Variants in CFAP210 observed in about 807,000 individuals in gnomAD.
The protein encoded by CFAP210 is cilia and flagella associated protein 210.
the CFAP210 span, among the ~76,000 whole-genome samples, chr2:169,647,730 C>T: frequency 2.1e-3 from 325 of 152,128 alleles, no homozygotes; most frequent in African/African-American, 7.4e-3. Context: ...TTTTATACAT[C>T]AAAGATACTA....
chr2:169,667,375 G>A, the CFAP210 span, among the ~76,000 whole-genome samples: 1 of 152,034 alleles, frequency 6.6e-6, no homozygotes, highest in Non-Finnish European at 1.5e-5. Context: ...CTGACCTCAG[G>A]TGATCCAACC....
the CFAP210 span, among the ~76,000 whole-genome samples, chr2:169,691,441 G>A: frequency 1.1e-4 from 16 of 152,122 alleles, no homozygotes; most frequent in African/African-American, 3.9e-4. Context: ...AACTGCAACT[G>A]CACAGTTTTA....
the CFAP210 span, chr2:169,658,702 G>T: frequency 3.4e-6 from 1 of 294,884 alleles, no homozygotes; most frequent in Admixed American, 4.1e-5. Context: ...TACAACAGGT[G>T]CTTATTCCCG....
chr2:169,686,661 T>C, the CFAP210 span, among the ~76,000 whole-genome samples: 1 of 152,160 alleles, frequency 6.6e-6, no homozygotes, highest in Non-Finnish European at 1.5e-5. Context: ...AATTCCAGCA[T>C]AAGCCATTAA....
At chr2:169,676,136 T>C in the CFAP210 span, among the ~76,000 whole-genome samples, 1 of 152,182 alleles carries the variant, frequency 6.6e-6, no homozygotes, top group East Asian at 1.9e-4. Context: ...CACCCTTTCC[T>C]TTCCTATTTG....
At chr2:169,690,617 C>G in the CFAP210 span, among the ~76,000 whole-genome samples, 2 of 147,886 alleles carry the variant, frequency 1.4e-5, no homozygotes, top group African/African-American at 5.0e-5. Context: ...GAGCCGAGAT[C>G]ATGCCACTGC....
the CFAP210 span, chr2:169,645,530 T>A: frequency 4.1e-6 from 1 of 246,748 alleles, no homozygotes; most frequent in Admixed American, 5.0e-5. Context: ...AATGAATGGG[T>A]ATGGGGTTTC....
At chr2:169,650,672 CATT>C in the CFAP210 span, among the ~76,000 whole-genome samples, 1 of 151,020 alleles carries the variant, frequency 6.6e-6, no homozygotes, top group African/African-American at 2.4e-5. Flanking sequence ...TTTAAGTGGA[CATT>C]ATTTTTTAAC....
At chr2:169,687,513 G>A in the CFAP210 span, among the ~76,000 whole-genome samples, 2 of 122,852 alleles carry the variant, frequency 1.6e-5, no homozygotes, top group Non-Finnish European at 3.7e-5. Context: ...AAATCCAGCA[G>A]GAATCAAATT....
the CFAP210 span, among the ~76,000 whole-genome samples, chr2:169,666,862 A>G: frequency 6.6e-6 from 1 of 152,166 alleles, no homozygotes; most frequent in Non-Finnish European, 1.5e-5. Flanking sequence ...CTTCACCCAC[A>G]GTAGATTCCA....
chr2:169,649,992 T>A, the CFAP210 span, among the ~76,000 whole-genome samples: 2 of 152,164 alleles, frequency 1.3e-5, no homozygotes, highest in Admixed American at 6.5e-5. Flanking sequence ...ATGTAAGATA[T>A]GTTTTAAAAT....
the CFAP210 span, among the ~76,000 whole-genome samples, chr2:169,669,427 T>A: frequency 2.0e-5 from 3 of 152,182 alleles, no homozygotes; most frequent in African/African-American, 7.2e-5. Context: ...TATGATCAAT[T>A]TTCATCTTGA....
chr2:169,646,435 A>T, the CFAP210 span, among the ~76,000 whole-genome samples: 1 of 152,212 alleles, frequency 6.6e-6, no homozygotes. Flanking sequence ...AGCGAAAATT[A>T]TGAAATTTAG....
the CFAP210 span, among the ~76,000 whole-genome samples, chr2:169,688,724 C>G: frequency 2.6e-5 from 4 of 152,190 alleles, no homozygotes; most frequent in African/African-American, 9.6e-5. Context: ...ATGTCGCTAT[C>G]AGCATTTTGG....
the CFAP210 span, chr2:169,649,052 TTTA>T: frequency 1.5e-6 from 1 of 687,118 alleles, no homozygotes; most frequent in African/African-American, 1.8e-5. Flanking sequence ...TTTAATACAT[TTTA>T]TTGTGTCATA....
the CFAP210 span, among the ~76,000 whole-genome samples, chr2:169,664,883 T>TATG: frequency 1.3e-5 from 2 of 152,246 alleles, no homozygotes; most frequent in African/African-American, 2.4e-5. Flanking sequence ...ATTCTTGGGC[T>TATG]TATATAGATG....
the CFAP210 span, among the ~76,000 whole-genome samples, chr2:169,649,596 A>C: frequency 2.0e-5 from 3 of 152,206 alleles, no homozygotes; most frequent in African/African-American, 7.2e-5. Context: ...ATGAAAAGCA[A>C]GATCTTCTCA....
At chr2:169,666,743 G>A in the CFAP210 span, among the ~76,000 whole-genome samples, 1 of 152,016 alleles carries the variant, frequency 6.6e-6, no homozygotes, top group Non-Finnish European at 1.5e-5. Flanking sequence ...CCCACAGTAG[G>A]ACTTCTTTCA....
chr2:169,646,560 CACTCA>C, the CFAP210 span, among the ~76,000 whole-genome samples: 1 of 152,190 alleles, frequency 6.6e-6, no homozygotes, highest in Non-Finnish European at 1.5e-5. Flanking sequence ...TGGAGGAATT[CACTCA>C]ACTCTACTGT....
Sources: allele counts gnomAD v4.1 joint callset (sites outside exome capture counted in the v4.1 genomes callset), GRCh38; gene constraint gnomAD v4.1.1; transcripts MANE v1.5; gene names NCBI Gene and HGNC (gene_info 2026-07-23, HGNC 2026-07-21).